Variants in BOK observed in about 807,000 individuals in gnomAD.
BOK encodes the protein BCL2 family apoptosis regulator BOK.
In BOK, 20 loss-of-function variants were observed where a neutral mutation model predicts 18.3. The ratio of observed to expected loss-of-function variants is 1.09; its 90% confidence interval spans 0.77 to 1.59. The LOEUF (loss-of-function observed/expected upper bound fraction) is 1.59, where lower values mean the gene tolerates loss of function less well. BOK is among the 40% of genes most tolerant of loss of function. The pLI is 0.00. For synonymous variants in BOK, 173 were observed against 142.4 expected (o/e 1.21, Z -1.53); for missense variants, 348 against 307.9 (o/e 1.13, Z -0.97).
intron 1 of BOK, among the ~76,000 whole-genome samples, chr2:241,552,323 T>C (rs573548964): frequency 1.6e-4 from 24 of 151,122 alleles, no homozygotes; most frequent in African/African-American, 5.8e-4. Flanking sequence ...AGCCTGTCTC[T>C]TGCACCCGCA....
intron 3 of BOK, among the ~76,000 whole-genome samples, chr2:241,566,302 C>CTTTT (rs369940899): frequency 7.1e-6 from 1 of 141,022 alleles, no homozygotes; most frequent in African/African-American, 2.6e-5. Context: ...TTTCTTTTTT[C>CTTTT]TTTTTTTTTT....
chr2:241,564,098 C>G (rs1426896209), intron 3 of BOK, among the ~76,000 whole-genome samples: 2 of 152,248 alleles, frequency 1.3e-5, no homozygotes, highest in East Asian at 3.8e-4. Context: ...CACTGCTGAC[C>G]TCCCTGGACA....
In BOK at chr2:241,565,271, C is replaced by CT. The variant is rs1453584818; in HGVS notation, c.349+2796dup. ...CCCCACACCCCCACCTGCTGCTACT[C>CT]TGAGGCGGCCCTGCCCGAGGGGAGC... On this transcript the variant is annotated intron_variant, in intron 3 of 4. Transcript: ENST00000318407. 3.3e-5 allele frequency among the ~76,000 whole-genome samples: 5 copies of CT among 151,778 alleles called. No homozygotes were observed. In the East Asian group the frequency reaches 9.7e-4, roughly 29 times the overall value.
In BOK at chr2:241,571,185, C is replaced by G. The variant is rs192643071; in HGVS notation, c.513+897C>G. On this transcript the variant is annotated intron_variant, in intron 4 of 4. Coordinates refer to ENST00000318407, the MANE Select transcript of BOK (RefSeq NM_032515.5). ...ACTTACCCCCGATCCTACCCCTGTG[C>G]TAAGGACCCGCTGCCCCAGCCCCCG... Among the ~76,000 whole-genome samples, 107 of 152,120 alleles carry G rather than the reference C, an allele frequency of 7.0e-4. 1 individual carries two copies. The East Asian group carries it at 0.014, about 20-fold the overall frequency.
In BOK at chr2:241,572,511, C is replaced by T. The variant is rs1575006644; in HGVS notation, c.*89C>T. ...CCGAACACATCTTCCTCCTCCCCAC[C>T]CGAGCCTGGAGCACTCTAACCCTCG... On this transcript the variant is annotated 3_prime_UTR_variant, in exon 5 of 5. Coordinates refer to ENST00000318407, the MANE Select transcript of BOK (RefSeq NM_032515.5). The T allele has an allele frequency of 9.3e-6, 14 of 1,504,124 alleles. No homozygotes were observed. The East Asian group carries it at 3.4e-4, about 36-fold the overall frequency. The allele number at this position is 1,504,124 out of a possible 1,614,324, so 93.2% of individuals were successfully genotyped here.
intron 3 of BOK, among the ~76,000 whole-genome samples, chr2:241,565,019 T>G (rs1395643532): frequency 6.6e-6 from 1 of 151,708 alleles, no homozygotes; most frequent in Non-Finnish European, 1.5e-5. Context: ...GGAGGGCACC[T>G]GGGGGCCAGG....
rs2066478012 is a variant in BOK, at chr2:241,558,865, A to ACGGGGCGGGCGCCGGGG, written c.-150_-134dup. On this transcript the variant is annotated 5_prime_UTR_variant, in exon 1 of 5. Coordinates refer to ENST00000318407, the MANE Select transcript of BOK (RefSeq NM_032515.5). ...CCTGGCGCTCCCGGCTCGGGCGTGG[A>ACGGGGCGGGCGCCGGGG]CGGGGCGGGCGCCGGGGCGGGGCGC... 6.6e-6 allele frequency: 1 copy of ACGGGGCGGGCGCCGGGG among 151,912 alleles called. No homozygotes were observed. The highest frequency in any genetic ancestry group is 6.6e-5 in the Admixed American group (1 of 15,250). The allele number at this position is 151,912 out of a possible 1,614,324, so 9.4% of individuals were successfully genotyped here. A position where few individuals can be genotyped will look rare whatever the true frequency, so the allele number is the denominator to read the frequency against.
intron 3 of BOK, among the ~76,000 whole-genome samples, chr2:241,565,403 C>T (rs2066595383): frequency 6.6e-6 from 1 of 152,168 alleles, no homozygotes; most frequent in African/African-American, 2.4e-5. Flanking sequence ...CCCTTCTGCC[C>T]CTCAGGCCCA....
At chr2:241,563,114 T>C (rs1054448467) in intron 3 of BOK, among the ~76,000 whole-genome samples, 8 of 152,088 alleles carry the variant, frequency 5.3e-5, no homozygotes, top group Non-Finnish European at 1.0e-4. Flanking sequence ...TCCTGTGCGC[T>C]CCCATCTCTG....
Position 241,572,276 on chromosome 2 carries a change from G to A in BOK, c.514-21G>A, listed in dbSNP as rs375485867. 2.9e-5 allele frequency: 46 copies of A among 1,607,086 alleles called. No individual in the cohort carries two copies. The East Asian group carries it at 4.0e-4, about 14-fold the overall frequency. ...GGCGGTGCTGGCTCTGCTTTCTAAC[G>A]GTCTCCCTCTTCCCTCCCAGACTGA... On this transcript the variant is annotated intron_variant, in intron 4 of 4. Transcript: ENST00000318407.
upstream of BOK, among the ~76,000 whole-genome samples, chr2:241,556,581 CAAAAAAAAAAA>C (rs55866928): frequency 1.2e-5 from 1 of 86,794 alleles, no homozygotes; most frequent in Admixed American, 1.4e-4. Context: ...GACTCCGTCT[CAAAAAAAAAAA>C]AAAAAAAAAA....
At chr2:241,557,468 C>T (rs2066462192), upstream of BOK, among the ~76,000 whole-genome samples, 3 of 152,040 alleles carry the variant, frequency 2.0e-5, no homozygotes, top group Admixed American at 1.3e-4. Context: ...TGCCACCACA[C>T]CCAACTCATT....
chr2:241,568,187 C>T (rs748221962), intron 3 of BOK, among the ~76,000 whole-genome samples: 1 of 152,156 alleles, frequency 6.6e-6, no homozygotes, highest in Non-Finnish European at 1.5e-5. Flanking sequence ...ATGGCGTGAT[C>T]TCGGCTCACT....
At chr2:241,569,692 C>A (rs1448649029) in intron 3 of BOK, among the ~76,000 whole-genome samples, 3 of 152,192 alleles carry the variant, frequency 2.0e-5, no homozygotes, top group Non-Finnish European at 4.4e-5. Context: ...CAAGGCTGCT[C>A]CCATCTCAGT....
intron 2 of BOK, among the ~76,000 whole-genome samples, 182 bp downstream of exon 2, chr2:241,559,885 C>T (rs1372727034): frequency 6.6e-6 from 1 of 152,166 alleles, no homozygotes; most frequent in Non-Finnish European, 1.5e-5. Context: ...GCCTCCCACG[C>T]CACAGGCCCC....
chr2:241,569,596 C>CGTGTATAAG (rs1478203051), intron 3 of BOK, among the ~76,000 whole-genome samples: 1 of 152,188 alleles, frequency 6.6e-6, no homozygotes, highest in Non-Finnish European at 1.5e-5. Context: ...TTTTCTCGCT[C>CGTGTATAAG]ACGTATAAGA....
chr2:241,558,062 C>T (rs1279540326), upstream of BOK, among the ~76,000 whole-genome samples: 1 of 151,770 alleles, frequency 6.6e-6, no homozygotes, highest in East Asian at 1.9e-4. Context: ...GAGACACACA[C>T]ACACACACAC....
upstream of BOK, chr2:241,558,690 C>T (rs1325237197): frequency 6.6e-6 from 1 of 152,288 alleles, no homozygotes. Flanking sequence ...AAGCGTCTCC[C>T]CGACTCCGCC....
At chr2:241,556,532 G>A (rs1039211694), upstream of BOK, among the ~76,000 whole-genome samples, 10 of 135,768 alleles carry the variant, frequency 7.4e-5, no homozygotes, top group South Asian at 1.8e-3. Flanking sequence ...GCAGTGAGCC[G>A]AGTTTACGCC....
Sources: allele counts gnomAD v4.1 joint callset (sites outside exome capture counted in the v4.1 genomes callset), GRCh38; gene constraint gnomAD v4.1.1; transcripts MANE v1.5; gene names NCBI Gene and HGNC (gene_info 2026-07-23, HGNC 2026-07-21).